The following TRIM62 variants were observed in gnomAD, a reference collection of about 807,000 sequenced individuals.
The protein encoded by TRIM62 is tripartite motif containing 62.
TRIM62 carries 39 observed loss-of-function variants against 44.2 expected under a neutral mutation model. The observed-to-expected ratio is 0.88, with a 90% CI of 0.68 to 1.15. The LOEUF is 1.15. Among genes scored for constraint, TRIM62 ranks in the 50% most tolerant of loss-of-function variants. The pLI, the probability that TRIM62 is intolerant of heterozygous loss-of-function variation, is 0.00. For synonymous variants in TRIM62, 278 were observed against 292.3 expected, an observed-to-expected ratio of 0.95 and a Z score of 0.50; for missense variants, 544 against 665.5, an observed-to-expected ratio of 0.82 and a Z score of 2.01.
chr1:33,147,280 C>T lies in TRIM62; in HGVS notation c.1325G>A (p.Arg442His), dbSNP rs750420902. Residue 442 changes from arginine to histidine, a missense_variant, in exon 5 of 5, where the codon CGC (arginine) becomes CAC (histidine). By Grantham distance (29) the Arg-to-His change is conservative. Coordinates refer to ENST00000291416, the MANE Select transcript of TRIM62 (RefSeq NM_018207.3). This position sits in a 1 kb window ranked among gnomAD's most constrained non-coding sequence, Gnocchi z 8.1. ...GCAGAGCTTGCCAGGGAACTTCTCGCGGAAGGTGTAGAGCCAGGACATGTC... is the reference window on the plus strand; with the variant it reads ...GCAGAGCTTGCCAGGGAACTTCTCGTGGAAGGTGTAGAGCCAGGACATGTC... ...ADDMSWLYTFREKFPGKLCSY... is the reference protein window; with the variant it reads ...ADDMSWLYTFHEKFPGKLCSY... 2.1e-5 allele frequency: 34 copies of T among 1,614,126 alleles called. No individual in the cohort carries two copies. The highest frequency in any genetic ancestry group is 5.5e-5 in the South Asian group (5 of 91,076).
At chr1:33,158,434 C>G (rs546755123) in intron 3 of TRIM62, 66 bp from the exon 4 acceptor site, 2 of 1,326,454 alleles carry the variant, frequency 1.5e-6, no homozygotes, top group Admixed American at 1.7e-5. Context: ...CCAGGGGCCC[C>G]GCAGCCACCT....
chr1:33,173,688 T>C (rs1434520793), intron 1 of TRIM62, among the ~76,000 whole-genome samples: 1 of 151,736 alleles, frequency 6.6e-6, no homozygotes, highest in Non-Finnish European at 1.5e-5. Flanking sequence ...CTTTTTTTTT[T>C]TTTTCCCTAA....
chr1:33,172,182 C>T (rs1239488244), intron 1 of TRIM62, among the ~76,000 whole-genome samples: 1 of 152,184 alleles, frequency 6.6e-6, no homozygotes, highest in Non-Finnish European at 1.5e-5. Context: ...AGGGTGAGCT[C>T]AATCAATCTT....
At chr1:33,170,568 C>T (rs879319562) in intron 1 of TRIM62, among the ~76,000 whole-genome samples, 4 of 152,238 alleles carry the variant, frequency 2.6e-5, no homozygotes, top group Admixed American at 2.6e-4. Flanking sequence ...CAGAGTTCAC[C>T]TCGAAAGGGT....
chr1:33,176,835 C>T (rs1417637744), intron 1 of TRIM62, among the ~76,000 whole-genome samples: 1 of 152,158 alleles, frequency 6.6e-6, no homozygotes, highest in Non-Finnish European at 1.5e-5. Flanking sequence ...ATAACAATAC[C>T]CATCCCACAG....
At chr1:33,173,235 G>A (rs1645387843) in intron 1 of TRIM62, among the ~76,000 whole-genome samples, 1 of 152,102 alleles carries the variant, frequency 6.6e-6, no homozygotes, top group African/African-American at 2.4e-5. Context: ...GGCAACATCT[G>A]GCCAGTCCCT....
In TRIM62 at chr1:33,177,004, G is replaced by A. The variant is rs1420241711; in HGVS notation, c.408+4021C>T. Reference sequence around the variant, plus strand: ...TCAGTGGTCCAGGTACTCAGCAGTGGAGGTGGGGAGGAAGACACCAACACA... The same window carrying A: ...TCAGTGGTCCAGGTACTCAGCAGTGAAGGTGGGGAGGAAGACACCAACACA... On this transcript the variant is annotated intron_variant, in intron 1 of 4. Coordinates refer to ENST00000291416, the MANE Select transcript of TRIM62 (RefSeq NM_018207.3). This position sits in a 1 kb window ranked among gnomAD's most constrained non-coding sequence, Gnocchi z 4.1. Among the ~76,000 whole-genome samples, 1 of 152,040 alleles carries A rather than the reference G, an allele frequency of 6.6e-6. No individual in the cohort carries two copies. The highest frequency in any genetic ancestry group is 1.5e-5 in the Non-Finnish European group (1 of 68,026).
rs201641867 is a variant in TRIM62, at chr1:33,158,320, C to G, written c.810G>C (p.Pro270=). 6.2e-7 allele frequency: 1 copy of G among 1,613,980 alleles called. No individual in the cohort carries two copies. The highest frequency in any genetic ancestry group is 8.5e-7 in the Non-Finnish European group (1 of 1,179,922). The change falls in exon 4 of 5, where the codon CCG becomes CCC. Residue 270 remains proline (P), a synonymous_variant. Transcript: ENST00000291416. ...GCAGGGGGCCTGTGTACTTGGAGGT[C>G]GGGAAGTCTTCATATGTGAGGTTGG... ...HETNLTYEDF[P]TSKYTGPLQY... is the part of the protein sequence containing the mutation.
In TRIM62 at chr1:33,165,720, T is replaced by C. The variant is rs1645321962; in HGVS notation, c.409-154A>G. The stretch of plus-strand genomic sequence containing the variant: ...ACAGTTCAACCACCAGCAAGTCCTG[T>C]AGAGTCTGTCTCCTAAACACCTCCA... On this transcript the variant is annotated intron_variant, in intron 1 of 4. Coordinates refer to ENST00000291416, the MANE Select transcript of TRIM62 (RefSeq NM_018207.3). This position sits in a 1 kb window ranked among gnomAD's most constrained non-coding sequence, Gnocchi z 4.0. The C allele has an allele frequency of 1.8e-6, 1 of 549,096 alleles. No individual in the cohort carries two copies. The highest frequency in any genetic ancestry group is 3.1e-6 in the Non-Finnish European group (1 of 323,070). 34.0% of individuals were successfully genotyped at this position (549,096 alleles called of 1,614,324 possible).
chr1:33,158,345 G>A lies in TRIM62; in HGVS notation c.785C>T (p.Thr262Ile), dbSNP rs1413179082. Reference sequence around the variant, plus strand: ...CGGGAAGTCTTCATATGTGAGGTTGGTCTCATGGATTTTTCCCTTGAGCCT... The same window carrying A: ...CGGGAAGTCTTCATATGTGAGGTTGATCTCATGGATTTTTCCCTTGAGCCT... Reference protein sequence around the residue: ...SERLKGKIHETNLTYEDFPTS... With the variant: ...SERLKGKIHEINLTYEDFPTS... The change falls in exon 4 of 5, where the codon ACC becomes ATC. Residue 262 changes from threonine to isoleucine, a missense_variant. By Grantham distance (89) the Thr-to-Ile change is moderately conservative. Coordinates refer to ENST00000291416, the MANE Select transcript of TRIM62 (RefSeq NM_018207.3). 6.2e-7 allele frequency: 1 copy of A among 1,613,760 alleles called. No individual in the cohort carries two copies. Among genetic ancestry groups the A allele is most frequent in the African/African-American group, 1.3e-5 (1 of 74,934 alleles).
At chr1:33,180,772 C>G (rs551279978) in intron 1 of TRIM62, among the ~76,000 whole-genome samples, 7 of 152,178 alleles carry the variant, frequency 4.6e-5, no homozygotes, top group Admixed American at 2.0e-4. Context: ...GCGGACCAGC[C>G]GGTACTCCAG....
At chr1:33,176,723 G>C (rs1172135697) in intron 1 of TRIM62, among the ~76,000 whole-genome samples, 1 of 152,230 alleles carries the variant, frequency 6.6e-6, no homozygotes, top group Non-Finnish European at 1.5e-5. Context: ...ATGTGGCCTA[G>C]TCAGACTGGC....
rs1402502976 is a variant in TRIM62 at position 33,147,788 on chromosome 1, A to G, written c.878-61T>C. On this transcript the variant is annotated intron_variant, in intron 4 of 4. Coordinates refer to ENST00000291416, the MANE Select transcript of TRIM62 (RefSeq NM_018207.3). This position sits in a 1 kb window ranked among gnomAD's most constrained non-coding sequence, Gnocchi z 8.1. ...GGAGAAGGCTGTGGACCCACCATGC[A>G]GTGCCTTCCTGAGGGCAGAGTTCTG... 1.9e-6 allele frequency: 3 copies of G among 1,551,418 alleles called. No individual in the cohort carries two copies. The highest frequency in any genetic ancestry group is 1.2e-5 in the South Asian group (1 of 82,240).
At chr1:33,174,858 C>T (rs1469634646) in intron 1 of TRIM62, among the ~76,000 whole-genome samples, 1 of 151,510 alleles carries the variant, frequency 6.6e-6, no homozygotes, top group East Asian at 1.9e-4. Context: ...GGCTGGCCCT[C>T]TGTAGCCATG....
intron 1 of TRIM62, among the ~76,000 whole-genome samples, chr1:33,176,115 AAAGT>A (rs998371578): frequency 1.3e-5 from 2 of 152,178 alleles, no homozygotes; most frequent in Non-Finnish European, 2.9e-5. Flanking sequence ...TCTCCTTGGA[AAAGT>A]AACAGCAGAG....
chr1:33,165,645 T>A lies in TRIM62; in HGVS notation c.409-79A>T. 1 of 1,291,566 alleles carries A rather than the reference T, an allele frequency of 7.7e-7. No individual in the cohort carries two copies. The highest frequency in any genetic ancestry group is 1.0e-6 in the Non-Finnish European group (1 of 953,830). 80.0% of individuals were successfully genotyped at this position (1,291,566 alleles called of 1,614,324 possible). On this transcript the variant is annotated intron_variant, in intron 1 of 4. Transcript: ENST00000291416. This position sits in a 1 kb window ranked among gnomAD's most constrained non-coding sequence, Gnocchi z 4.0. ...TTCAGCCCTGACCACTGCCAGGCGC[T>A]GGGGGTTAGCCTGGTCTCTGTCCCC...
chr1:33,149,328 A>G (rs1156958156), intron 4 of TRIM62, among the ~76,000 whole-genome samples: 1 of 151,748 alleles, frequency 6.6e-6, no homozygotes. Flanking sequence ...AATTTTTTGT[A>G]TTTTTAGTAG....
intron 4 of TRIM62, among the ~76,000 whole-genome samples, chr1:33,149,309 C>G (rs879644406): frequency 6.6e-6 from 1 of 152,138 alleles, no homozygotes; most frequent in South Asian, 2.1e-4. Flanking sequence ...CGCGCCACCA[C>G]GCCTGGCTAA....
rs1645322667 is a variant in TRIM62 at position 33,165,801 on chromosome 1, A to C, written c.409-235T>G. ...TGCAACAACCTCCTCCTCTTTGGCC[A>C]CCCTAGAGGCTTCTGTGACAATCGA... is the stretch of plus-strand genomic sequence containing the variant. On this transcript the variant is annotated intron_variant, in intron 1 of 4. Coordinates refer to ENST00000291416, the MANE Select transcript of TRIM62 (RefSeq NM_018207.3). This position sits in a 1 kb window ranked among gnomAD's most constrained non-coding sequence, Gnocchi z 4.0. 1 of 372,774 alleles carries C rather than the reference A, an allele frequency of 2.7e-6. No individual in the cohort carries two copies. The highest frequency in any genetic ancestry group is 4.6e-5 in the Admixed American group (1 of 21,946). 23.1% of individuals were successfully genotyped at this position (372,774 alleles called of 1,614,324 possible). A position where few individuals can be genotyped will look rare whatever the true frequency, so the allele number is the denominator to read the frequency against.
Sources: allele counts gnomAD v4.1 joint callset (sites outside exome capture counted in the v4.1 genomes callset), GRCh38; gene constraint gnomAD v4.1.1; non-coding constraint Gnocchi (gnomAD v3.1); transcripts MANE v1.5; gene names NCBI Gene and HGNC (gene_info 2026-07-23, HGNC 2026-07-21).